SLC24A2: variants seen among roughly 807,000 people sequenced by gnomAD.
The protein encoded by SLC24A2 is solute carrier family 24 member 2.
SLC24A2 carries 36 observed loss-of-function variants against 62.0 expected under a neutral mutation model. That is an observed-to-expected ratio of 0.58 (90% confidence interval 0.44 to 0.77). SLC24A2 has a LOEUF of 0.77. SLC24A2 is among the 30% of genes least tolerant of loss of function. SLC24A2 has a pLI of 0.00. For missense variants in SLC24A2, 846 were observed against 817.9 expected (o/e 1.03, Z -0.42); for synonymous variants, 358 against 294.0 (o/e 1.22, Z -2.23).
At chr9:19,516,538 A>C (rs1031655873) in intron 10 of SLC24A2, 136 bp from the exon 11 acceptor site, 20 of 1,102,052 alleles carry the variant, frequency 1.8e-5, no homozygotes, top group Non-Finnish European at 2.5e-5. Context: ...TAGGTTCACT[A>C]TGACTCGGGC....
At chr9:19,893,841 T>A in the SLC24A2 span, among the ~76,000 whole-genome samples, 3 of 152,168 alleles carry the variant, frequency 2.0e-5, no homozygotes, top group Non-Finnish European at 4.4e-5. Flanking sequence ...TTGCACCTCA[T>A]GTTTCTCTGC....
the SLC24A2 span, among the ~76,000 whole-genome samples, chr9:19,835,773 A>G: frequency 6.6e-6 from 1 of 152,340 alleles, no homozygotes; most frequent in African/African-American, 2.4e-5. Flanking sequence ...CAGAATATAC[A>G]TTCTTTTCAG....
At chr9:19,622,117 G>A in intron 3 of SLC24A2, 144 bp downstream of exon 3, 1 of 702,976 alleles carries the variant, frequency 1.4e-6, no homozygotes, top group Non-Finnish European at 2.6e-6. Flanking sequence ...GCACGGAGTA[G>A]AAGTACACAT....
intron 2 of SLC24A2, among the ~76,000 whole-genome samples, chr9:19,649,020 C>G (rs201323160): frequency 1.2e-4 from 13 of 104,784 alleles, no homozygotes; most frequent in African/African-American, 4.4e-4. Flanking sequence ...AAAAAAAAAA[C>G]AAAAAACCCA....
At chr9:19,594,278 A>C (rs1456300775) in intron 5 of SLC24A2, among the ~76,000 whole-genome samples, 1 of 152,058 alleles carries the variant, frequency 6.6e-6, no homozygotes, top group Non-Finnish European at 1.5e-5. Flanking sequence ...CATGGGGTCA[A>C]ACTGCCCACC....
chr9:19,741,533 AT>A (rs1364008377), intron 2 of SLC24A2, among the ~76,000 whole-genome samples: 1 of 152,174 alleles, frequency 6.6e-6, no homozygotes, highest in Non-Finnish European at 1.5e-5. Flanking sequence ...TGTTTTAATA[AT>A]TCTAGCCTTT....
At chr9:19,576,284 A>G (rs1836007243) in intron 6 of SLC24A2, among the ~76,000 whole-genome samples, 1 of 152,262 alleles carries the variant, frequency 6.6e-6, no homozygotes, top group African/African-American at 2.4e-5. Context: ...TATTATAGTT[A>G]CAGACAGGAG....
the SLC24A2 span, among the ~76,000 whole-genome samples, chr9:19,888,201 A>G: frequency 1.3e-5 from 2 of 152,206 alleles, no homozygotes; most frequent in Non-Finnish European, 2.9e-5. Flanking sequence ...AACAAACAAC[A>G]TGCCTCCATT....
Position 19,646,546 on chromosome 9 carries a change from T to C in SLC24A2, c.931-24247A>G, listed in dbSNP as rs140531782. 1.0e-2 allele frequency among the ~76,000 whole-genome samples: 1,517 copies of C among 152,256 alleles called. 13 individuals carry two copies. Among genetic ancestry groups the C allele is most frequent in the Non-Finnish European group, 0.014 (975 of 68,004 alleles). ...GTCATTGCTGTAAGGGACGGATCTG[T>C]GTGCAGGCCTCAAATTGGGTGGGAA... On this transcript the variant is annotated intron_variant, in intron 2 of 10. Coordinates refer to ENST00000341998, the MANE Select transcript of SLC24A2 (RefSeq NM_020344.4).
the SLC24A2 span, among the ~76,000 whole-genome samples, chr9:19,884,127 C>A: frequency 6.6e-6 from 1 of 152,272 alleles, no homozygotes. Flanking sequence ...ACTAATTATC[C>A]CTCACAACAG....
chr9:20,249,670 A>G, the SLC24A2 span, among the ~76,000 whole-genome samples: 73 of 139,538 alleles, frequency 5.2e-4, no homozygotes, highest in Admixed American at 1.0e-3. Context: ...GCACCATTGC[A>G]CTCCAGCCTG....
chr9:19,749,489 T>C (rs994135538), intron 2 of SLC24A2, among the ~76,000 whole-genome samples: 2 of 152,044 alleles, frequency 1.3e-5, no homozygotes, highest in African/African-American at 4.8e-5. Flanking sequence ...ATCCAAGAAA[T>C]GAGTTTAGCT....
the SLC24A2 span, among the ~76,000 whole-genome samples, chr9:19,895,100 T>A: frequency 1.3e-5 from 2 of 152,112 alleles, no homozygotes; most frequent in East Asian, 1.9e-4. Flanking sequence ...ACATTCCTCA[T>A]GAAAAACTCC....
At chr9:20,207,117 A>T in the SLC24A2 span, among the ~76,000 whole-genome samples, 6 of 152,202 alleles carry the variant, frequency 3.9e-5, no homozygotes, top group Non-Finnish European at 7.3e-5. Flanking sequence ...AATAAATAGG[A>T]ATGAATGAAT....
At chr9:19,753,403 A>T (rs1331512516) in intron 2 of SLC24A2, among the ~76,000 whole-genome samples, 1 of 152,238 alleles carries the variant, frequency 6.6e-6, no homozygotes, top group Non-Finnish European at 1.5e-5. Context: ...GAGCAGATCT[A>T]AGAATGCAGA....
the SLC24A2 span, among the ~76,000 whole-genome samples, chr9:19,947,192 G>C: frequency 1.3e-5 from 2 of 152,200 alleles, no homozygotes; most frequent in East Asian, 3.9e-4. Flanking sequence ...TGATTATTGA[G>C]AAAGCTAAAA....
intron 2 of SLC24A2, among the ~76,000 whole-genome samples, chr9:19,777,434 C>T (rs148781243): frequency 1.7e-3 from 255 of 152,180 alleles, no homozygotes; most frequent in African/African-American, 5.9e-3. Flanking sequence ...TCTGCTTCTA[C>T]GAAATCAGAA....
chr9:19,794,692 T>C, the SLC24A2 span, among the ~76,000 whole-genome samples: 1 of 151,940 alleles, frequency 6.6e-6, no homozygotes, highest in East Asian at 1.9e-4. Context: ...TTGGCTACTA[T>C]TCCTACCGAT....
chr9:19,690,431 G>A (rs1382609872), intron 2 of SLC24A2, among the ~76,000 whole-genome samples: 1 of 152,136 alleles, frequency 6.6e-6, no homozygotes, highest in Admixed American at 6.6e-5. Flanking sequence ...GTGAAATGCT[G>A]AGACTGTTGG....
Sources: allele counts gnomAD v4.1 joint callset (sites outside exome capture counted in the v4.1 genomes callset), GRCh38; gene constraint gnomAD v4.1.1; transcripts MANE v1.5; gene names NCBI Gene and HGNC (gene_info 2026-07-23, HGNC 2026-07-21).